MYH15: variants seen among roughly 807,000 people sequenced by gnomAD.
MYH15 encodes myosin-15.
In MYH15, 227 loss-of-function variants were observed where a neutral mutation model predicts 240.5. That is an observed-to-expected ratio of 0.94 (90% confidence interval 0.85 to 1.05). The LOEUF (loss-of-function observed/expected upper bound fraction) is 1.05. MYH15 is among the 50% of genes least tolerant of loss of function. The probability of loss-of-function intolerance (pLI) is 0.00; values close to 1 mark genes in which losing one functional copy is unlikely to be tolerated. For synonymous variants in MYH15, 785 were observed against 796.7 expected, an observed-to-expected ratio of 0.99 and a Z score of 0.25; for missense variants, 2,217 against 2,247.5, an observed-to-expected ratio of 0.99 and a Z score of 0.27.
chr3:108,405,380 T>C lies in MYH15; in HGVS notation c.4694A>G (p.Glu1565Gly), dbSNP rs1250293917. 6.6e-7 allele frequency: 1 copy of C among 1,518,280 alleles called. No individual in the cohort carries two copies. The allele number at this position is 1,518,280 out of a possible 1,614,324, so 94.1% of individuals were successfully genotyped here. A position where few individuals can be genotyped will look rare whatever the true frequency, so the allele number is the denominator to read the frequency against. The part of the protein sequence containing the change: ...LELLEAKAEL[E>G]RKLSEKDEEI... ...TTCATCTTTCTCTGAAAGCTTTCTT[T>C]CAAGTTCTGCTTTAGCTTCCAAGAG... Residue 1565 changes from glutamate to glycine, a missense_variant, in exon 33 of 41, where the codon GAA becomes GGA. By Grantham distance (98) the Glu-to-Gly change is moderately conservative. Coordinates refer to ENST00000693548, the MANE Select transcript of MYH15 (RefSeq NM_014981.3).
At chr3:108,455,958 ATC>A (rs752303011) in intron 19 of MYH15, 99 bp from the exon 20 acceptor site, 84 of 1,198,608 alleles carry the variant, frequency 7.0e-5, no homozygotes, top group Non-Finnish European at 9.9e-5. Context: ...ATAGATTTTT[ATC>A]TCTGTTACTA....
At chr3:108,428,212 AC>A (rs1336404893) in intron 27 of MYH15, among the ~76,000 whole-genome samples, 1 of 152,106 alleles carries the variant, frequency 6.6e-6, no homozygotes, top group Non-Finnish European at 1.5e-5. Flanking sequence ...TTTCCAGCTC[AC>A]TTACTTGTGC....
chr3:108,406,787 T>G (rs2082549824), intron 32 of MYH15, among the ~76,000 whole-genome samples: 1 of 152,124 alleles, frequency 6.6e-6, no homozygotes, highest in Admixed American at 6.5e-5. Flanking sequence ...TACTAAGTGG[T>G]TTGAGCATTA....
intron 11 of MYH15, among the ~76,000 whole-genome samples, chr3:108,481,771 G>A (rs962015747): frequency 7.9e-5 from 12 of 152,138 alleles, no homozygotes; most frequent in African/African-American, 2.9e-4. Flanking sequence ...ATTGGTTGGT[G>A]CAAACATAAT....
chr3:108,454,632 A>C (rs1446615996), intron 20 of MYH15, among the ~76,000 whole-genome samples: 3 of 152,222 alleles, frequency 2.0e-5, no homozygotes, highest in Non-Finnish European at 1.5e-5. Context: ...TATTAAAAAA[A>C]CAGTCCATGG....
intron 14 of MYH15, 33 bp downstream of exon 14, chr3:108,470,009 A>G: frequency 1.9e-6 from 3 of 1,581,756 alleles, no homozygotes; most frequent in Non-Finnish European, 2.6e-6. Flanking sequence ...TTCTCCCGAA[A>G]TGAAAATGGA....
At chr3:108,512,388 G>A (rs1559673535), upstream of MYH15, among the ~76,000 whole-genome samples, 1 of 152,188 alleles carries the variant, frequency 6.6e-6, no homozygotes, top group East Asian at 1.9e-4. Context: ...GGTAGATGAG[G>A]ATGAGGAAAA....
the MYH15 span, among the ~76,000 whole-genome samples, chr3:108,543,138 C>T: frequency 6.6e-6 from 1 of 152,196 alleles, no homozygotes; most frequent in Admixed American, 6.5e-5. Flanking sequence ...CTTGGCCTCC[C>T]AAAGTGCTGG....
At chr3:108,408,564 G>C (rs1039182424) in intron 31 of MYH15, among the ~76,000 whole-genome samples, 160 bp from the exon 32 acceptor site, 1 of 152,178 alleles carries the variant, frequency 6.6e-6, no homozygotes, top group African/African-American at 2.4e-5. Flanking sequence ...AATTTTAAAA[G>C]GGTATTCATT....
intron 36 of MYH15, among the ~76,000 whole-genome samples, chr3:108,392,926 G>A (rs72939819): frequency 3.3e-5 from 5 of 152,224 alleles, no homozygotes; most frequent in Admixed American, 1.3e-4. Flanking sequence ...CACACACCTC[G>A]TTTTCCTCAG....
intron 9 of MYH15, among the ~76,000 whole-genome samples, chr3:108,487,910 A>C (rs894154479): frequency 2.0e-5 from 3 of 152,210 alleles, no homozygotes; most frequent in African/African-American, 7.2e-5. Context: ...ATATCCTGTA[A>C]AAATTTTTAC....
chr3:108,449,614 C>A (rs1308497916), intron 21 of MYH15, among the ~76,000 whole-genome samples: 1 of 151,952 alleles, frequency 6.6e-6, no homozygotes, highest in Non-Finnish European at 1.5e-5. Flanking sequence ...AATGTAAGAT[C>A]TGAAACTGTA....
upstream of MYH15, among the ~76,000 whole-genome samples, chr3:108,533,905 T>C (rs189029890): frequency 6.6e-6 from 1 of 152,208 alleles, no homozygotes; most frequent in Non-Finnish European, 1.5e-5. Flanking sequence ...AGATAAAAGC[T>C]AGGACTGACC....
chr3:108,399,053 C>A, intron 34 of MYH15, 22 bp downstream of exon 34: 1 of 1,605,340 alleles, frequency 6.2e-7, no homozygotes, highest in Non-Finnish European at 8.5e-7. Flanking sequence ...CCTCCCTACC[C>A]CATCTTACAG....
chr3:108,420,590 C>T (rs553599758), intron 28 of MYH15, among the ~76,000 whole-genome samples: 57 of 152,150 alleles, frequency 3.7e-4, no homozygotes, highest in African/African-American at 1.2e-3. Context: ...ACGTGGCCAA[C>T]GCAGATTGAG....
chr3:108,500,845 T>G (rs1242853955), intron 3 of MYH15, among the ~76,000 whole-genome samples: 1 of 152,176 alleles, frequency 6.6e-6, no homozygotes, highest in Admixed American at 6.5e-5. Flanking sequence ...TAACTTGTGT[T>G]CTTATAAGAG....
At chr3:108,406,838 C>A (rs1359552111) in intron 32 of MYH15, among the ~76,000 whole-genome samples, 5 of 152,112 alleles carry the variant, frequency 3.3e-5, no homozygotes, top group African/African-American at 7.2e-5. Context: ...ACGTGATGAT[C>A]GACTGAATAC....
chr3:108,532,284 A>T (rs2083716720), upstream of MYH15, among the ~76,000 whole-genome samples: 2 of 152,138 alleles, frequency 1.3e-5, no homozygotes, highest in Admixed American at 1.3e-4. Context: ...AGCAAAGCAG[A>T]TTGGTCTCAC....
intron 6 of MYH15, 114 bp downstream of exon 6, chr3:108,497,938 A>G: frequency 2.5e-6 from 2 of 789,324 alleles, no homozygotes; most frequent in East Asian, 5.0e-5. Context: ...TATAATTTGC[A>G]AATTGTCCTG....
Sources: gnomAD v4.1 joint callset for allele counts (sites outside exome capture counted in the v4.1 genomes callset) on GRCh38, gnomAD v4.1.1 for gene constraint, MANE v1.5 for transcripts, NCBI Gene and HGNC (gene_info 2026-07-23, HGNC 2026-07-21) for gene names.